Variants in CCDC170 observed in about 807,000 individuals in gnomAD.
CCDC170 encodes coiled-coil domain-containing protein 170.
In CCDC170, 69 loss-of-function variants were observed where a neutral mutation model predicts 72.6. The observed-to-expected ratio is 0.95, with a 90% confidence interval of 0.78 to 1.16. CCDC170 has a LOEUF of 1.16. Among genes scored for constraint, CCDC170 ranks in the 50% most tolerant of loss-of-function variants. The pLI is 0.00. For missense variants in CCDC170, 852 were observed against 832.5 expected, an observed-to-expected ratio of 1.02 and a Z score of -0.29; for synonymous variants, 300 against 303.9, an observed-to-expected ratio of 0.99 and a Z score of 0.13.
intron 1 of CCDC170, among the ~76,000 whole-genome samples, chr6:151,503,586 G>C (rs1295928388): frequency 6.6e-6 from 1 of 152,026 alleles, no homozygotes; most frequent in Non-Finnish European, 1.5e-5. Context: ...CCGAGTAGCT[G>C]GGGTTACAGG....
At chr6:151,536,632 G>A (rs1302087204) in intron 2 of CCDC170, among the ~76,000 whole-genome samples, 186 bp downstream of exon 2, 1 of 151,822 alleles carries the variant, frequency 6.6e-6, no homozygotes, top group Non-Finnish European at 1.5e-5. Flanking sequence ...AAAATTAGCT[G>A]GGTGTGGTAG....
intron 6 of CCDC170, among the ~76,000 whole-genome samples, chr6:151,574,683 C>T (rs1368253261): frequency 1.3e-5 from 2 of 152,082 alleles, no homozygotes; most frequent in Admixed American, 1.3e-4. Context: ...ATTTGCTGCC[C>T]AGCTGGGTCA....
chr6:151,574,926 T>C lies in CCDC170; in HGVS notation c.1092+1435T>C, dbSNP rs557329088. On this transcript the variant is annotated intron_variant, in intron 6 of 10. Transcript: ENST00000239374. ...CCTTCTTCCTCCTTCTCTCCTTTTT[T>C]TCATAATGTGTTGGTGGCCTGAACA... is the stretch of plus-strand genomic sequence containing the variant. 2.0e-5 allele frequency among the ~76,000 whole-genome samples: 3 copies of C among 152,350 alleles called. No homozygotes were observed. The East Asian group carries it at 5.8e-4, about 29-fold the overall frequency.
chr6:151,587,373 G>C (rs182115484), intron 7 of CCDC170, among the ~76,000 whole-genome samples: 1 of 152,206 alleles, frequency 6.6e-6, no homozygotes, highest in Admixed American at 6.5e-5. Context: ...TGACCAAAGA[G>C]AAGAGAGGCA....
chr6:151,544,766 A>G (rs956827766), intron 4 of CCDC170, 50 bp downstream of exon 4: 73 of 1,554,490 alleles, frequency 4.7e-5, no homozygotes, highest in Non-Finnish European at 6.2e-5. Flanking sequence ...TGATTCTGAC[A>G]TGTGGCATGA....
intron 1 of CCDC170, among the ~76,000 whole-genome samples, chr6:151,495,500 CTTTCTTCTTTT>C (rs895231377): frequency 8.6e-4 from 130 of 151,558 alleles, no homozygotes; most frequent in African/African-American, 2.9e-3. Flanking sequence ...CCTTTTCTTT[CTTTCTTCTTTT>C]TTTCAGACAG....
At chr6:151,567,283 G>A (rs539181975) in intron 5 of CCDC170, among the ~76,000 whole-genome samples, 1 of 152,134 alleles carries the variant, frequency 6.6e-6, no homozygotes, top group Admixed American at 6.5e-5. Flanking sequence ...TCTAACAGAG[G>A]TTTGTTGAGA....
chr6:151,592,869 T>C (rs895488151), intron 7 of CCDC170, among the ~76,000 whole-genome samples: 8 of 152,198 alleles, frequency 5.3e-5, no homozygotes, highest in African/African-American at 1.7e-4. Flanking sequence ...TAATATTCGA[T>C]TGAACATGAA....
chr6:151,587,906 G>A (rs943347590), intron 7 of CCDC170, among the ~76,000 whole-genome samples: 24 of 152,260 alleles, frequency 1.6e-4, no homozygotes, highest in African/African-American at 5.8e-4. Context: ...TAAAGAATGA[G>A]TAGGAATTTG....
chr6:151,567,653 G>T (rs1776156845), intron 5 of CCDC170, among the ~76,000 whole-genome samples: 1 of 152,164 alleles, frequency 6.6e-6, no homozygotes, highest in African/African-American at 2.4e-5. Context: ...AAAGAAATGG[G>T]TTCTGGATTT....
intron 3 of CCDC170, among the ~76,000 whole-genome samples, chr6:151,538,630 G>C (rs1026073280): frequency 6.6e-6 from 1 of 152,184 alleles, no homozygotes; most frequent in Non-Finnish European, 1.5e-5. Context: ...GTACACAGAG[G>C]TAGGTATTTA....
At chr6:151,598,297 C>A (rs9397433) in intron 9 of CCDC170, among the ~76,000 whole-genome samples, 45,349 of 152,042 alleles carry the variant, frequency 0.3, 10,382 homozygotes, top group African/African-American at 0.63. Context: ...GAAGAGGCTG[C>A]AAATGGTGAT....
chr6:151,559,279 T>C (rs1215878035), intron 5 of CCDC170, among the ~76,000 whole-genome samples: 1 of 152,206 alleles, frequency 6.6e-6, no homozygotes, highest in Non-Finnish European at 1.5e-5. Flanking sequence ...CCCAAAGTGC[T>C]GAGATTACAG....
intron 6 of CCDC170, among the ~76,000 whole-genome samples, chr6:151,583,085 C>A (rs1018387612): frequency 5.3e-5 from 8 of 150,774 alleles, no homozygotes; most frequent in Non-Finnish European, 1.0e-4. Context: ...CTCTGCCTCC[C>A]GGGTTAAAGT....
chr6:151,536,354 C>T lies in CCDC170; in HGVS notation c.94C>T (p.Arg32Trp), dbSNP rs780550074. 36 of 1,614,106 alleles carry T rather than the reference C, an allele frequency of 2.2e-5. No individual in the cohort carries two copies. The East Asian group carries it at 4.9e-4, about 22-fold the overall frequency. Residue 32 changes from arginine (R) to tryptophan (W), a missense_variant, in exon 2 of 11, where the codon CGG (arginine) becomes TGG (tryptophan). Transcript: ENST00000239374. Reference sequence around the variant, plus strand: ...TCATCTTTCGGAAGTCCCGGTCACGCGGGAGCAGTTAAACCACTATCGGAA... The same window carrying T: ...TCATCTTTCGGAAGTCCCGGTCACGTGGGAGCAGTTAAACCACTATCGGAA... ...YDHLSEVPVTREQLNHYRNVA... is the reference protein window; with the variant it reads ...YDHLSEVPVTWEQLNHYRNVA...
At chr6:151,536,243 G>T (rs1782576855) in intron 1 of CCDC170, 75 bp from the exon 2 acceptor site, 2 of 1,547,894 alleles carry the variant, frequency 1.3e-6, no homozygotes, top group Non-Finnish European at 8.9e-7. Context: ...CCTTTAATCT[G>T]GCTTTGTGCA....
In CCDC170 at chr6:151,620,301, T is replaced by C. The variant is rs1482492181; in HGVS notation, c.*2154T>C. On this transcript the variant is annotated 3_prime_UTR_variant, in exon 11 of 11. Transcript: ENST00000239374. ...GATGACAGACCACACAGAGGGAGAGTGACCAGGCTTTGCTTGTGGAGCGGG... is the reference window on the plus strand; with the variant it reads ...GATGACAGACCACACAGAGGGAGAGCGACCAGGCTTTGCTTGTGGAGCGGG... 1 of 150,890 alleles carries C rather than the reference T, an allele frequency of 6.6e-6. No homozygotes were observed. 9.3% of individuals were successfully genotyped at this position (150,890 alleles called of 1,614,324 possible). A position where few individuals can be genotyped will look rare whatever the true frequency, so the allele number is the denominator to read the frequency against.
chr6:151,554,758 G>T (rs1005401470), intron 5 of CCDC170, among the ~76,000 whole-genome samples: 1 of 151,990 alleles, frequency 6.6e-6, no homozygotes, highest in Non-Finnish European at 1.5e-5. Flanking sequence ...GAGACACTGC[G>T]CAGAGCGGTT....
intron 1 of CCDC170, among the ~76,000 whole-genome samples, chr6:151,528,877 A>C (rs966466618): frequency 6.6e-6 from 1 of 151,834 alleles, no homozygotes; most frequent in East Asian, 1.9e-4. Flanking sequence ...ATAATAAAGA[A>C]AAAAAAAGTC....
Sources: gnomAD v4.1 joint callset for allele counts (sites outside exome capture counted in the v4.1 genomes callset) on GRCh38, gnomAD v4.1.1 for gene constraint, MANE v1.5 for transcripts, NCBI Gene and HGNC (gene_info 2026-07-23, HGNC 2026-07-21) for gene names.